The following OR1F1 variants were observed in gnomAD, a reference collection of about 807,000 sequenced individuals.
OR1F1 encodes olfactory receptor 1F1.
For synonymous variants in OR1F1, 184 were observed against 156.7 expected (o/e 1.17, Z -1.30); for missense variants, 493 against 376.3 (o/e 1.31, Z -2.57).
chr16:3,202,279 C>G (rs1958143461), upstream of OR1F1, among the ~76,000 whole-genome samples: 2 of 152,248 alleles, frequency 1.3e-5, no homozygotes. Context: ...CAGAATGAAG[C>G]TGAGCAGAAG....
the OR1F1 span, among the ~76,000 whole-genome samples, chr16:3,197,619 GCC>G: frequency 5.8e-4 from 1 of 1,718 alleles, no homozygotes; most frequent in Middle Eastern, 0.083. Flanking sequence ...GCTGCTGGGG[GCC>G]AGTTCCTCAG....
chr16:3,203,657 G>C (rs377251962), upstream of OR1F1, among the ~76,000 whole-genome samples: 8 of 152,350 alleles, frequency 5.3e-5, no homozygotes, highest in East Asian at 7.7e-4. Flanking sequence ...CCAGCTACTT[G>C]GGAGGCTGAA....
At chr16:3,189,223 C>A in the OR1F1 span, among the ~76,000 whole-genome samples, 1 of 152,188 alleles carries the variant, frequency 6.6e-6, no homozygotes, top group African/African-American at 2.4e-5. Context: ...CCCATTGGTG[C>A]CACGCTGAGG....
chr16:3,192,374 G>T, the OR1F1 span, among the ~76,000 whole-genome samples: 6 of 152,202 alleles, frequency 3.9e-5, no homozygotes, highest in South Asian at 8.3e-4. Flanking sequence ...ACTTTCAAGG[G>T]CTCAAGTCCA....
At chr16:3,190,547 T>C in the OR1F1 span, among the ~76,000 whole-genome samples, 618 of 152,196 alleles carry the variant, frequency 4.1e-3, 5 homozygotes, top group African/African-American at 0.014. Context: ...TGTCAGGAGA[T>C]TGAGACCATC....
At chr16:3,195,480 G>C in the OR1F1 span, among the ~76,000 whole-genome samples, 1 of 152,040 alleles carries the variant, frequency 6.6e-6, no homozygotes, top group Admixed American at 6.6e-5. Context: ...AGGAGTTCGA[G>C]ACCAGCCTGG....
chr16:3,202,660 AAATAATAAT>A (rs3064190), upstream of OR1F1, among the ~76,000 whole-genome samples: 5,277 of 141,800 alleles, frequency 0.037, 177 homozygotes, highest in African/African-American at 0.08. Flanking sequence ...TTCCATCTCA[AAATAATAAT>A]AATAATAATA....
chr16:3,195,083 G>C, the OR1F1 span, among the ~76,000 whole-genome samples: 3 of 152,196 alleles, frequency 2.0e-5, no homozygotes, highest in African/African-American at 7.2e-5. Context: ...CACAATGCCA[G>C]CCGTGCTCCG....
At chr16:3,201,343 G>A, upstream of OR1F1, among the ~76,000 whole-genome samples, 1 of 152,192 alleles carries the variant, frequency 6.6e-6, no homozygotes, top group East Asian at 1.9e-4. Flanking sequence ...CCTAGGAATG[G>A]AATTGCTGGA....
chr16:3,194,315 A>G, the OR1F1 span, among the ~76,000 whole-genome samples: 11 of 152,192 alleles, frequency 7.2e-5, no homozygotes, highest in African/African-American at 2.7e-4. Context: ...TGTTTTAGAA[A>G]GCACCCCTTG....
the OR1F1 span, among the ~76,000 whole-genome samples, chr16:3,198,616 G>C: frequency 6.6e-6 from 1 of 152,178 alleles, no homozygotes; most frequent in Non-Finnish European, 1.5e-5. Context: ...GTGAGACTTT[G>C]TACTTCAGGT....
downstream of OR1F1, among the ~76,000 whole-genome samples, chr16:3,206,025 G>T (rs773285693): frequency 2.6e-5 from 4 of 152,188 alleles, no homozygotes; most frequent in East Asian, 3.8e-4. Flanking sequence ...ATAAATGGAC[G>T]TGCAAGTAGG....
the OR1F1 span, among the ~76,000 whole-genome samples, chr16:3,189,408 C>T: frequency 6.6e-6 from 1 of 152,188 alleles, no homozygotes; most frequent in African/African-American, 2.4e-5. Context: ...GGGCGAGGAC[C>T]CAGGGCCCTT....
At chr16:3,206,542 G>T (rs1409922851), downstream of OR1F1, among the ~76,000 whole-genome samples, 1 of 152,134 alleles carries the variant, frequency 6.6e-6, no homozygotes, top group South Asian at 2.1e-4. Context: ...CACCCCCAGA[G>T]GCCTAGCTGT....
chr16:3,191,072 C>G, the OR1F1 span, among the ~76,000 whole-genome samples: 1 of 152,134 alleles, frequency 6.6e-6, no homozygotes. Flanking sequence ...TCTGTGAGCT[C>G]CCAGTGAGCT....
downstream of OR1F1, among the ~76,000 whole-genome samples, chr16:3,205,482 ATTTT>A (rs36031331): frequency 1.4e-5 from 2 of 143,622 alleles, no homozygotes; most frequent in Admixed American, 6.9e-5. Context: ...GCCTAGCTAA[ATTTT>A]TTTTTTTTTT....
the OR1F1 span, among the ~76,000 whole-genome samples, chr16:3,197,550 G>C: frequency 7.9e-6 from 1 of 127,018 alleles, no homozygotes; most frequent in Non-Finnish European, 1.6e-5. Flanking sequence ...AGACAGCGCA[G>C]TCCTACATCT....
At chr16:3,206,498 T>C (rs1958211961), downstream of OR1F1, among the ~76,000 whole-genome samples, 4 of 152,206 alleles carry the variant, frequency 2.6e-5, no homozygotes, top group Admixed American at 2.6e-4. Context: ...CTCCTGGTTT[T>C]GCGGCTCAGG....
chr16:3,192,265 C>G, the OR1F1 span, among the ~76,000 whole-genome samples: 11 of 150,994 alleles, frequency 7.3e-5, no homozygotes, highest in East Asian at 2.1e-3. Context: ...ACCGTGTTAG[C>G]CAGGATGGTC....
Sources: gnomAD v4.1 joint callset for allele counts (sites outside exome capture counted in the v4.1 genomes callset) on GRCh38, gnomAD v4.1.1 for gene constraint, MANE v1.5 for transcripts, NCBI Gene and HGNC (gene_info 2026-07-23, HGNC 2026-07-21) for gene names.